The following XKR6 variants were observed in gnomAD, a reference collection of about 807,000 sequenced individuals.
XKR6 encodes XK related 6, also known as XK-related protein 6.
Under a neutral mutation model 56.7 loss-of-function variants are expected in XKR6, and 22 were observed. The observed-to-expected ratio is 0.39, with a 90% confidence interval of 0.28 to 0.55. The LOEUF is 0.55. Among genes scored for constraint, XKR6 ranks in the 20% least tolerant of loss-of-function variants. The pLI, the probability that XKR6 is intolerant of heterozygous loss-of-function variation, is 0.66. For synonymous variants in XKR6, 524 were observed against 387.8 expected (o/e 1.35, Z -4.13); for missense variants, 852 against 889.0 (o/e 0.96, Z 0.53).
At chr8:10,965,159 C>T (rs1036138017) in intron 1 of XKR6, among the ~76,000 whole-genome samples, 1 of 152,238 alleles carries the variant, frequency 6.6e-6, no homozygotes, top group African/African-American at 2.4e-5. Flanking sequence ...TGGCGGGTCC[C>T]CTGGGTCCTG....
chr8:11,039,460 G>A (rs1257946536), intron 1 of XKR6, among the ~76,000 whole-genome samples: 1 of 152,252 alleles, frequency 6.6e-6, no homozygotes, highest in Non-Finnish European at 1.5e-5. Flanking sequence ...TGTGCAAGAT[G>A]AGGGACGCGC....
intron 1 of XKR6, among the ~76,000 whole-genome samples, chr8:10,999,659 GCAGAT>G (rs1798194819): frequency 6.6e-6 from 1 of 152,202 alleles, no homozygotes; most frequent in Non-Finnish European, 1.5e-5. Context: ...AGGATGTTCT[GCAGAT>G]GTGACCAAGC....
chr8:11,004,419 C>A (rs1332965078), intron 1 of XKR6, among the ~76,000 whole-genome samples: 1 of 152,106 alleles, frequency 6.6e-6, no homozygotes, highest in African/African-American at 2.4e-5. Context: ...TTGCAGTGAG[C>A]CGAGATCATG....
intron 1 of XKR6, among the ~76,000 whole-genome samples, chr8:10,970,617 A>G (rs534074016): frequency 6.6e-6 from 1 of 152,128 alleles, no homozygotes; most frequent in Non-Finnish European, 1.5e-5. Context: ...TCAACTGTTC[A>G]TTCCTGTGAT....
intron 1 of XKR6, among the ~76,000 whole-genome samples, chr8:11,197,221 G>A (rs1036269186): frequency 6.6e-6 from 1 of 152,136 alleles, no homozygotes; most frequent in Non-Finnish European, 1.5e-5. Flanking sequence ...AAATAGAAGG[G>A]TGCAAACACA....
rs541846649 is a variant in XKR6 at position 11,165,493 on chromosome 8, A to G, written c.764+35083T>C. ...ATATTTCCAGTTTAAACCTGGACACACAAGGTGAGGGCAATGAGGGATGAT... is the reference window on the plus strand; with the variant it reads ...ATATTTCCAGTTTAAACCTGGACACGCAAGGTGAGGGCAATGAGGGATGAT... On this transcript the variant is annotated intron_variant, in intron 1 of 2. Transcript: ENST00000416569. Among the ~76,000 whole-genome samples the G allele has an allele frequency of 4.6e-4, 70 of 152,298 alleles. No homozygotes were observed. In the South Asian group the frequency reaches 5.8e-3, roughly 13 times the overall value.
chr8:11,093,734 A>G (rs529813149), intron 1 of XKR6, among the ~76,000 whole-genome samples: 1 of 152,142 alleles, frequency 6.6e-6, no homozygotes, highest in Non-Finnish European at 1.5e-5. Context: ...TGTACTCTCT[A>G]TAATTCAAAA....
intron 1 of XKR6, among the ~76,000 whole-genome samples, chr8:11,021,610 C>A (rs1446406926): frequency 1.3e-5 from 2 of 152,130 alleles, no homozygotes; most frequent in Non-Finnish European, 2.9e-5. Context: ...GACCCAGGAG[C>A]CCAAAGCACA....
chr8:11,039,509 G>A (rs1398993062), intron 1 of XKR6, among the ~76,000 whole-genome samples: 12 of 152,224 alleles, frequency 7.9e-5, no homozygotes, highest in South Asian at 2.1e-4. Context: ...TTTCTCTTCC[G>A]AGATGAGGAC....
chr8:11,099,572 C>T (rs915688207), intron 1 of XKR6, among the ~76,000 whole-genome samples: 2 of 151,974 alleles, frequency 1.3e-5, no homozygotes, highest in Admixed American at 1.3e-4. Flanking sequence ...ACTTTCTTTA[C>T]TTCTAAATCC....
rs550152212 is a variant in XKR6, at chr8:10,897,201, C to CT, written c.*750dup. ...TGAGTTTCAAACAGCCCTTGAGCTC[C>CT]TAGAAGGCTCTGCAAAGTGGGGAGA... On this transcript the variant is annotated 3_prime_UTR_variant, in exon 3 of 3. Coordinates refer to ENST00000416569, the MANE Select transcript of XKR6 (RefSeq NM_173683.4). 2 of 152,694 alleles carry CT rather than the reference C, an allele frequency of 1.3e-5. No individual in the cohort carries two copies. The highest frequency in any genetic ancestry group is 4.2e-4 in the South Asian group (2 of 4,816). 9.5% of individuals were successfully genotyped at this position (152,694 alleles called of 1,614,324 possible).
chr8:10,922,262 T>C (rs1344538633), intron 2 of XKR6, among the ~76,000 whole-genome samples: 1 of 152,246 alleles, frequency 6.6e-6, no homozygotes, highest in African/African-American at 2.4e-5. Flanking sequence ...AGGACTCAGA[T>C]GGGAGAGAAA....
At chr8:10,941,729 T>C (rs750541804) in intron 1 of XKR6, among the ~76,000 whole-genome samples, 1 of 152,116 alleles carries the variant, frequency 6.6e-6, no homozygotes, top group Non-Finnish European at 1.5e-5. Context: ...GGGTGCTGAG[T>C]GCTGTGGAGG....
At chr8:11,128,580 T>G (rs1202879232) in intron 1 of XKR6, among the ~76,000 whole-genome samples, 2 of 152,176 alleles carry the variant, frequency 1.3e-5, no homozygotes, top group African/African-American at 2.4e-5. Flanking sequence ...GTGAGGCAGT[T>G]TTAATGATGT....
In XKR6 at chr8:10,912,126, C is replaced by T. The variant is rs543307344; in HGVS notation, c.961+12508G>A. Among the ~76,000 whole-genome samples, 42 of 138,002 alleles carry T rather than the reference C, an allele frequency of 3.0e-4. No individual in the cohort carries two copies. The South Asian group carries it at 9.7e-3, about 32-fold the overall frequency. The allele number at this position is 138,002 out of a possible 152,430, so 90.5% of individuals were successfully genotyped here. On this transcript the variant is annotated intron_variant, in intron 2 of 2. Transcript: ENST00000416569. ...TGTGTGTATATATATAGAGAGAGAG[C>T]GCTAGAGAGAGGTGTATATATAGAG...
intron 1 of XKR6, among the ~76,000 whole-genome samples, chr8:10,980,780 G>A (rs74847354): frequency 0.1 from 15,158 of 152,032 alleles, 1,018 homozygotes; most frequent in Non-Finnish European, 0.15. Context: ...TATATACCAC[G>A]GATTATGACT....
At chr8:11,045,748 T>G (rs1368600217) in intron 1 of XKR6, among the ~76,000 whole-genome samples, 1 of 152,192 alleles carries the variant, frequency 6.6e-6, no homozygotes, top group Non-Finnish European at 1.5e-5. Flanking sequence ...CCTTCCTTAT[T>G]GAATTTCCAC....
intron 1 of XKR6, among the ~76,000 whole-genome samples, chr8:11,115,746 A>G (rs1799140150): frequency 6.6e-6 from 1 of 152,176 alleles, no homozygotes; most frequent in Non-Finnish European, 1.5e-5. Flanking sequence ...TGTGGGAGTT[A>G]TTTGTGTCCT....
intron 1 of XKR6, among the ~76,000 whole-genome samples, chr8:11,101,578 T>C (rs1441059525): frequency 6.6e-6 from 1 of 152,212 alleles, no homozygotes; most frequent in Non-Finnish European, 1.5e-5. Flanking sequence ...TTCTCTTCTG[T>C]TCCTCATCTG....
Sources: allele counts gnomAD v4.1 joint callset (sites outside exome capture counted in the v4.1 genomes callset), GRCh38; gene constraint gnomAD v4.1.1; transcripts MANE v1.5; gene names NCBI Gene and HGNC (gene_info 2026-07-23, HGNC 2026-07-21).